Variants in KLRD1 observed in about 807,000 individuals in gnomAD.
KLRD1 encodes killer cell lectin like receptor D1.
KLRD1 carries 21 observed loss-of-function variants against 22.6 expected under a neutral mutation model. The ratio of observed to expected loss-of-function variants is 0.93; its 90% CI spans 0.66 to 1.34. The LOEUF is 1.34. Among genes scored for constraint, KLRD1 ranks in the 40% most tolerant of loss-of-function variants. The pLI is 0.00. For synonymous variants in KLRD1, 59 were observed against 71.1 expected (o/e 0.83, Z 0.85); for missense variants, 183 against 208.6 (o/e 0.88, Z 0.76).
intron 1 of KLRD1, among the ~76,000 whole-genome samples, chr12:10,274,297 T>A (rs183941677): frequency 6.6e-6 from 1 of 152,016 alleles, no homozygotes; most frequent in African/African-American, 2.4e-5. Context: ...AATTTTTTTT[T>A]AAATGTTACA....
At position 10,322,485 on chromosome 12, in the gene KLRD1, C is replaced by T. The variant is rs977760563; in HGVS notation, c.*7692C>T. The T allele has an allele frequency of 6.6e-6, 1 of 151,874 alleles. No individual in the cohort carries two copies. Among genetic ancestry groups the T allele is most frequent in the African/African-American group, 2.4e-5 (1 of 41,344 alleles). The allele number at this position is 151,874 out of a possible 1,614,324, so 9.4% of individuals were successfully genotyped here. On this transcript the variant is annotated 3_prime_UTR_variant, in exon 6 of 6. Transcript: ENST00000336164. ...TTTTTGTTTTTTGGTTTTTTTAGTT[C>T]TCAATTATGTTGTATAACCCATGAG...
At chr12:10,276,931 C>T (rs1473311885) in intron 1 of KLRD1, among the ~76,000 whole-genome samples, 4 of 151,908 alleles carry the variant, frequency 2.6e-5, no homozygotes, top group East Asian at 1.9e-4. Flanking sequence ...GTTAATTAGG[C>T]GTATGTAATG....
chr12:10,248,624 G>GTC (rs1409874191), intron 1 of KLRD1, among the ~76,000 whole-genome samples: 2 of 113,668 alleles, frequency 1.8e-5, no homozygotes, highest in Non-Finnish European at 3.4e-5. Flanking sequence ...TTTTTTCAGA[G>GTC]TCTCTCTCTG....
In KLRD1 at chr12:10,308,171, A is replaced by C. The variant is rs557248471; in HGVS notation, c.7+87A>C. 31 of 1,130,210 alleles carry C rather than the reference A, an allele frequency of 2.7e-5. No homozygotes were observed. In the East Asian group the frequency reaches 7.3e-4, roughly 27 times the overall value. 70.0% of individuals were successfully genotyped at this position (1,130,210 alleles called of 1,614,324 possible). A position where few individuals can be genotyped will look rare whatever the true frequency, so the allele number is the denominator to read the frequency against. On this transcript the variant is annotated intron_variant, in intron 1 of 5. Coordinates refer to ENST00000336164, the MANE Select transcript of KLRD1 (RefSeq NM_002262.5). The stretch of plus-strand genomic sequence containing the variant: ...GATTTTGGGGTAATGCTTTAAGAGA[A>C]AAGGACATGATTAACAGTGGATGTT...
At chr12:10,278,390 T>C (rs1229289226) in intron 1 of KLRD1, among the ~76,000 whole-genome samples, 2 of 152,202 alleles carry the variant, frequency 1.3e-5, no homozygotes, top group South Asian at 4.1e-4. Context: ...ATAAGGCTAA[T>C]ATTTAAAGTA....
At chr12:10,273,908 C>A (rs985341097) in intron 1 of KLRD1, among the ~76,000 whole-genome samples, 2 of 152,078 alleles carry the variant, frequency 1.3e-5, no homozygotes, top group African/African-American at 4.8e-5. Flanking sequence ...TATAAAAAAT[C>A]AGACATATCA....
chr12:10,327,095 G>C lies in KLRD1; in HGVS notation c.*12302G>C, dbSNP rs187614199. Reference sequence around the variant, plus strand: ...AAATTTATTTTTGCATATGGTGTAAGATAAGCAATTTCTTTGCAATATGGA... The same window carrying C: ...AAATTTATTTTTGCATATGGTGTAACATAAGCAATTTCTTTGCAATATGGA... On this transcript the variant is annotated 3_prime_UTR_variant, in exon 6 of 6. Transcript: ENST00000336164. The C allele has an allele frequency of 6.6e-6, 1 of 152,294 alleles. No homozygotes were observed. Among genetic ancestry groups the C allele is most frequent in the Non-Finnish European group, 1.5e-5 (1 of 68,020 alleles). 9.4% of individuals were successfully genotyped at this position (152,294 alleles called of 1,614,324 possible).
At chr12:10,296,021 A>G (rs1274114827) in intron 1 of KLRD1, among the ~76,000 whole-genome samples, 2 of 152,226 alleles carry the variant, frequency 1.3e-5, no homozygotes, top group African/African-American at 4.8e-5. Context: ...TTTTTAAATT[A>G]TGTAGCTTTT....
chr12:10,243,694 G>A (rs1006239336), intron 1 of KLRD1, among the ~76,000 whole-genome samples: 1 of 149,492 alleles, frequency 6.7e-6, no homozygotes, highest in Non-Finnish European at 1.5e-5. Context: ...CCTTATCAGT[G>A]CTTAAAACTG....
chr12:10,280,035 A>G (rs1949625698), intron 1 of KLRD1, among the ~76,000 whole-genome samples: 1 of 152,202 alleles, frequency 6.6e-6, no homozygotes. Context: ...ATTATTTTTC[A>G]TCAGAAATGT....
intron 1 of KLRD1, among the ~76,000 whole-genome samples, chr12:10,286,017 A>C (rs1949698637): frequency 6.6e-6 from 1 of 152,112 alleles, no homozygotes; most frequent in Non-Finnish European, 1.5e-5. Flanking sequence ...ACAGCATCTT[A>C]CTGTTTTCGC....
intron 1 of KLRD1, among the ~76,000 whole-genome samples, chr12:10,240,967 T>C (rs1450839817): frequency 6.6e-6 from 1 of 152,190 alleles, no homozygotes; most frequent in Non-Finnish European, 1.5e-5. Flanking sequence ...TTCTTTTTTC[T>C]ATATATATCC....
chr12:10,279,497 C>T (rs1038553865), intron 1 of KLRD1, among the ~76,000 whole-genome samples: 2 of 152,064 alleles, frequency 1.3e-5, no homozygotes, highest in Non-Finnish European at 2.9e-5. Context: ...AGAATGAGTT[C>T]AAGATTGTAA....
At chr12:10,261,221 G>A (rs1294439535) in intron 1 of KLRD1, among the ~76,000 whole-genome samples, 1 of 152,110 alleles carries the variant, frequency 6.6e-6, no homozygotes, top group African/African-American at 2.4e-5. Flanking sequence ...CAATTATGAA[G>A]AGCACCTTCT....
intron 1 of KLRD1, among the ~76,000 whole-genome samples, chr12:10,264,199 G>A (rs563651328): frequency 2.7e-4 from 41 of 152,118 alleles, no homozygotes; most frequent in African/African-American, 8.7e-4. Flanking sequence ...TCCACTGAAG[G>A]TTTCCCTTCT....
chr12:10,252,128 C>G (rs1250964642), intron 1 of KLRD1, among the ~76,000 whole-genome samples: 1 of 152,106 alleles, frequency 6.6e-6, no homozygotes, highest in African/African-American at 2.4e-5. Context: ...TAATCTTACT[C>G]TTGTTTTTGT....
chr12:10,278,526 A>G (rs1949612111), intron 1 of KLRD1, among the ~76,000 whole-genome samples: 1 of 152,196 alleles, frequency 6.6e-6, no homozygotes, highest in South Asian at 2.1e-4. Flanking sequence ...CTTGGTCCAC[A>G]TATTATGAAT....
At chr12:10,252,954 T>TAAAA (rs11460315) in intron 1 of KLRD1, among the ~76,000 whole-genome samples, 76 of 145,270 alleles carry the variant, frequency 5.2e-4, no homozygotes, top group African/African-American at 2.0e-3. Context: ...TGGGCAGTTG[T>TAAAA]AAAAAAAAAA....
rs1489473547 is a variant in KLRD1, at chr12:10,326,682, G to A, written c.*11889G>A. On this transcript the variant is annotated 3_prime_UTR_variant, in exon 6 of 6. Transcript: ENST00000336164. ...CTTTGAATAGAATGGGGGGCTCCCAGGTCACAGGTAAGGGACAAATGGTTG... is the reference window on the plus strand; with the variant it reads ...CTTTGAATAGAATGGGGGGCTCCCAAGTCACAGGTAAGGGACAAATGGTTG... The A allele has an allele frequency of 6.6e-6, 1 of 151,916 alleles. No individual in the cohort carries two copies. The highest frequency in any genetic ancestry group is 1.5e-5 in the Non-Finnish European group (1 of 67,978). The allele number at this position is 151,916 out of a possible 1,614,324, so 9.4% of individuals were successfully genotyped here.
Sources: gnomAD v4.1 joint callset for allele counts (sites outside exome capture counted in the v4.1 genomes callset) on GRCh38, gnomAD v4.1.1 for gene constraint, MANE v1.5 for transcripts, NCBI Gene and HGNC (gene_info 2026-07-23, HGNC 2026-07-21) for gene names.